The following WDR35 variants were observed in gnomAD, a reference collection of about 807,000 sequenced individuals.
WDR35 encodes the protein WD repeat domain 35.
Under a neutral mutation model 158.3 loss-of-function variants are expected in WDR35, and 118 were observed. That is an observed-to-expected ratio of 0.75 (90% CI 0.64 to 0.87). WDR35 has a LOEUF of 0.87. WDR35 is among the 40% of genes least tolerant of loss of function. WDR35 has a pLI of 0.00. For missense variants in WDR35, 1,263 were observed against 1,405.8 expected (o/e 0.90, Z 1.62); for synonymous variants, 448 against 476.1 (o/e 0.94, Z 0.77).
chr2:19,953,827 G>T lies in WDR35; in HGVS notation c.1400+7C>A. ...AGCTACTAAAAAGTATGTATCAAAA[G>T]ATATACCTTTCTCTCCCTTCTTTTC... On this transcript the variant is annotated splice_region_variant and intron_variant, in intron 12 of 26. Transcript: ENST00000281405. 1 of 1,613,962 alleles carries T rather than the reference G, an allele frequency of 6.2e-7. No individual in the cohort carries two copies. Among genetic ancestry groups the T allele is most frequent in the Non-Finnish European group, 8.5e-7 (1 of 1,179,978 alleles).
intron 25 of WDR35, among the ~76,000 whole-genome samples, chr2:19,917,676 A>C (rs1336277650): frequency 6.6e-6 from 1 of 152,224 alleles, no homozygotes; most frequent in African/African-American, 2.4e-5. Context: ...GAAATAAAGC[A>C]AGAAAACAAG....
At chr2:19,945,711 A>T in intron 16 of WDR35, 75 bp downstream of exon 16, 1 of 1,552,514 alleles carries the variant, frequency 6.4e-7, no homozygotes, top group East Asian at 2.2e-5. Flanking sequence ...TCTTAAAGAA[A>T]CAAAGGGGAA....
At chr2:19,968,090 A>G (rs938201284) in intron 9 of WDR35, among the ~76,000 whole-genome samples, 1 of 152,014 alleles carries the variant, frequency 6.6e-6, no homozygotes, top group Non-Finnish European at 1.5e-5. Flanking sequence ...TTGTCCCTCA[A>G]TTTGGGTTTG....
chr2:19,979,829 T>C (rs1028178924), intron 4 of WDR35, among the ~76,000 whole-genome samples: 12 of 149,408 alleles, frequency 8.0e-5, no homozygotes, highest in African/African-American at 2.7e-4. Flanking sequence ...TAAAGTATTA[T>C]AGCATATCTT....
At chr2:19,960,472 A>T in intron 11 of WDR35, 82 bp downstream of exon 11, 2 of 1,125,920 alleles carry the variant, frequency 1.8e-6, no homozygotes, top group Non-Finnish European at 2.6e-6. Flanking sequence ...CATTCTAATT[A>T]ATAATACCAG....
Position 19,960,725 on chromosome 2 carries a change from A to G in WDR35, c.1195-111T>C. ...TTTTTCAAGTATTGCTAACTGGGAA[A>G]TAACTGATGAAACTGTTACGTGCAA... On this transcript the variant is annotated intron_variant, in intron 10 of 26. Coordinates refer to ENST00000281405, the MANE Select transcript of WDR35 (RefSeq NM_020779.4). 3 of 813,420 alleles carry G rather than the reference A, an allele frequency of 3.7e-6. 1 individual carries two copies. The highest frequency in any genetic ancestry group is 4.8e-5 in the Admixed American group (2 of 41,974). The allele number at this position is 813,420 out of a possible 1,614,324, so 50.4% of individuals were successfully genotyped here. A position where few individuals can be genotyped will look rare whatever the true frequency, so the allele number is the denominator to read the frequency against.
In WDR35 at chr2:19,984,036, TATATAC is replaced by T. The variant is rs1337726647; in HGVS notation, c.143-1508_143-1503del. ...ATATATATATATATATATATATATA[TATATAC>T]ATATATACACACACCCACATATTCT... On this transcript the variant is annotated intron_variant, in intron 2 of 26. Transcript: ENST00000281405. Among the ~76,000 whole-genome samples, 47 of 5,046 alleles carry T rather than the reference TATATAC, an allele frequency of 9.3e-3. 2 individuals carry two copies. The highest frequency in any genetic ancestry group is 0.011 in the African/African-American group (44 of 3,874). 3.3% of individuals were successfully genotyped at this position (5,046 alleles called of 152,430 possible).
At chr2:19,986,491 C>G (rs1672569056) in intron 2 of WDR35, among the ~76,000 whole-genome samples, 1 of 152,126 alleles carries the variant, frequency 6.6e-6, no homozygotes, top group Non-Finnish European at 1.5e-5. Context: ...AAAAGTAGTA[C>G]GTCTAAATAT....
At chr2:19,925,557 A>G (rs1416699967) in intron 25 of WDR35, among the ~76,000 whole-genome samples, 1 of 152,252 alleles carries the variant, frequency 6.6e-6, no homozygotes, top group African/African-American at 2.4e-5. Flanking sequence ...TGCGTGGCCA[A>G]TTCAACCCAC....
rs1006476655 is a variant in WDR35 at position 19,934,812 on chromosome 2, G to A, written c.2547+659C>T. Among the ~76,000 whole-genome samples, 10 of 152,104 alleles carry A rather than the reference G, an allele frequency of 6.6e-5. No individual in the cohort carries two copies. Among genetic ancestry groups the A allele is most frequent in the East Asian group, 1.9e-4 (1 of 5,192 alleles). On this transcript the variant is annotated intron_variant, in intron 21 of 26. Coordinates refer to ENST00000281405, the MANE Select transcript of WDR35 (RefSeq NM_020779.4). The surrounding 1 kb of genome is among the most constrained non-coding windows in gnomAD (Gnocchi z 4.6). ...TCACAATAGGGAAAACTGAATTACC[G>A]TAATTCTATACTTATCTATTAACTA...
At chr2:19,976,893 C>T (rs1672235678) in intron 5 of WDR35, among the ~76,000 whole-genome samples, 1 of 151,854 alleles carries the variant, frequency 6.6e-6, no homozygotes, top group African/African-American at 2.4e-5. Context: ...GATGATGGCT[C>T]ACTGCAGCCT....
Position 19,962,417 on chromosome 2 carries a change from T to C in WDR35, c.1195-1803A>G, listed in dbSNP as rs897138919. On this transcript the variant is annotated intron_variant, in intron 10 of 26. Coordinates refer to ENST00000281405, the MANE Select transcript of WDR35 (RefSeq NM_020779.4). ...GACTCAACCTAATGAAAGTGGCTTA[T>C]ATACAAATAATCATCAATGACCAAT... The C allele has an allele frequency of 2.3e-6, 3 of 1,285,782 alleles. No individual in the cohort carries two copies. In the African/African-American group the frequency reaches 4.4e-5, roughly 19 times the overall value. 79.6% of individuals were successfully genotyped at this position (1,285,782 alleles called of 1,614,324 possible).
In WDR35 at chr2:19,953,974, T is replaced by C. The variant is rs573958749; in HGVS notation, c.1260A>G (p.Pro420=). ...GGGTTTTGGTCATTGCAACAAACAA[T>C]GGTACTGTTAAAAATAACATTAAGA... ...PLDPKYIDIV[P]LFVAMTKTHV... is the part of the protein sequence containing the mutation. Residue 420 remains proline, a synonymous_variant, in exon 12 of 27, where the codon CCA becomes CCG. Transcript: ENST00000281405. The C allele has an allele frequency of 2.4e-5, 39 of 1,614,112 alleles. No individual in the cohort carries two copies. The East Asian group carries it at 7.4e-4, about 30-fold the overall frequency.
chr2:19,975,425 A>T, intron 6 of WDR35, 105 bp downstream of exon 6: 1 of 1,278,648 alleles, frequency 7.8e-7, no homozygotes, highest in Non-Finnish European at 1.0e-6. Context: ...GAAGACTTTA[A>T]TTACACAAAC....
intron 25 of WDR35, among the ~76,000 whole-genome samples, chr2:19,927,158 G>A (rs563037429): frequency 6.6e-6 from 1 of 152,226 alleles, no homozygotes; most frequent in East Asian, 1.9e-4. Flanking sequence ...TACACTTATT[G>A]GGCATATTTA....
intron 25 of WDR35, among the ~76,000 whole-genome samples, chr2:19,927,956 T>A (rs570083615): frequency 6.6e-6 from 1 of 152,356 alleles, no homozygotes; most frequent in Admixed American, 6.5e-5. Flanking sequence ...ATGACAAAGC[T>A]GTCCTTGCCT....
intron 12 of WDR35, among the ~76,000 whole-genome samples, chr2:19,952,424 A>G (rs992726967): frequency 7.2e-5 from 11 of 152,196 alleles, no homozygotes; most frequent in Non-Finnish European, 1.5e-4. Flanking sequence ...TTCTAAGGGG[A>G]ACCTACTCAA....
chr2:19,914,326 T>C (rs1281837827), intron 25 of WDR35, 49 bp from the exon 26 acceptor site: 2 of 1,608,422 alleles, frequency 1.2e-6, no homozygotes, highest in Non-Finnish European at 1.7e-6. Flanking sequence ...TATTATGATA[T>C]CATGAACATG....
intron 9 of WDR35, among the ~76,000 whole-genome samples, chr2:19,967,257 G>A (rs1671886371): frequency 6.6e-6 from 1 of 152,060 alleles, no homozygotes; most frequent in Non-Finnish European, 1.5e-5. Flanking sequence ...TTTCAATTCT[G>A]GATCTCCAAG....
Sources: gnomAD v4.1 joint callset for allele counts (sites outside exome capture counted in the v4.1 genomes callset) on GRCh38, gnomAD v4.1.1 for gene constraint, Gnocchi (gnomAD v3.1) non-coding constraint, MANE v1.5 for transcripts, NCBI Gene and HGNC (gene_info 2026-07-23, HGNC 2026-07-21) for gene names.